Variants in TJP1 observed in about 807,000 individuals in gnomAD.
TJP1 encodes tight junction protein 1.
In TJP1, 43 loss-of-function variants were observed where a neutral mutation model predicts 194.2. The ratio of observed to expected loss-of-function variants is 0.22; its 90% CI spans 0.17 to 0.29. The LOEUF (loss-of-function observed/expected upper bound fraction) is 0.29, where lower values mean the gene tolerates loss of function less well. Ranked by LOEUF, TJP1 falls within the 10% of genes least tolerant of loss-of-function variation. The pLI is 1.00. For missense variants in TJP1, 1,971 were observed against 2,185.7 expected (o/e 0.90, Z 1.96); for synonymous variants, 801 against 779.0 (o/e 1.03, Z -0.47).
intron 11 of TJP1, among the ~76,000 whole-genome samples, chr15:29,735,252 G>A (rs1415971222): frequency 1.3e-5 from 2 of 150,568 alleles, no homozygotes; most frequent in East Asian, 3.9e-4. Context: ...AACCTGACAC[G>A]CACCACTTAC....
intron 2 of TJP1, among the ~76,000 whole-genome samples, chr15:29,788,926 C>T (rs999290840): frequency 1.3e-5 from 2 of 152,160 alleles, no homozygotes; most frequent in African/African-American, 4.8e-5. Context: ...TACACACCTA[C>T]ACTAATACGA....
intron 2 of TJP1, 36 bp downstream of exon 2, chr15:29,800,610 G>GTT: frequency 6.2e-7 from 1 of 1,608,966 alleles, no homozygotes; most frequent in Non-Finnish European, 8.5e-7. Flanking sequence ...AGTATCCTGA[G>GTT]TTATACACAG....
intron 2 of TJP1, among the ~76,000 whole-genome samples, chr15:29,884,348 C>T (rs1437738801): frequency 6.6e-6 from 1 of 152,174 alleles, no homozygotes; most frequent in South Asian, 2.1e-4. Flanking sequence ...GTCAGCCCCA[C>T]ACCAGGCCCA....
chr15:29,787,719 A>G (rs1159731905), intron 2 of TJP1, among the ~76,000 whole-genome samples: 5 of 152,204 alleles, frequency 3.3e-5, no homozygotes, highest in South Asian at 4.1e-4. Flanking sequence ...CATTCTATGT[A>G]TATATCATGT....
chr15:29,780,468 T>TACAGGTGAA (rs1449599780), intron 2 of TJP1, among the ~76,000 whole-genome samples: 31 of 152,224 alleles, frequency 2.0e-4, no homozygotes, highest in African/African-American at 7.0e-4. Flanking sequence ...GGGGGGTGGC[T>TACAGGTGAA]GCACATACAG....
chr15:29,825,289 C>G (rs886902678), upstream of TJP1, among the ~76,000 whole-genome samples: 1 of 152,140 alleles, frequency 6.6e-6, no homozygotes, highest in Admixed American at 6.5e-5. Flanking sequence ...CATCATAGCT[C>G]CTCTAGATCA....
intron 1 of TJP1, among the ~76,000 whole-genome samples, chr15:29,960,181 C>T (rs2056102583): frequency 6.6e-6 from 1 of 152,042 alleles, no homozygotes; most frequent in East Asian, 1.9e-4. Flanking sequence ...ATCTAGAAGC[C>T]TAAAAGAGCC....
chr15:29,745,896 T>C (rs147935675), intron 8 of TJP1, among the ~76,000 whole-genome samples: 1 of 152,324 alleles, frequency 6.6e-6, no homozygotes, highest in African/African-American at 2.4e-5. Context: ...AAACCCTATA[T>C]ATGATACCAA....
intron 2 of TJP1, among the ~76,000 whole-genome samples, chr15:29,920,459 A>AAAGCAAACT (rs1429532320): frequency 4.6e-5 from 7 of 152,208 alleles, no homozygotes; most frequent in Middle Eastern, 3.2e-3. Context: ...TGGGAAAAGA[A>AAAGCAAACT]AAGCAAACTG....
chr15:29,838,983 A>C (rs990291062), intron 2 of TJP1, among the ~76,000 whole-genome samples: 4 of 148,978 alleles, frequency 2.7e-5, no homozygotes, highest in Non-Finnish European at 5.9e-5. Flanking sequence ...ATCCACAGTA[A>C]AAATTCACCT....
rs1669584723 is a variant in TJP1, at chr15:29,700,736, A to AG, written c.*858dup. 4.1e-6 allele frequency: 1 copy of AG among 246,640 alleles called. No homozygotes were observed. Among genetic ancestry groups the AG allele is most frequent in the East Asian group, 7.2e-5 (1 of 13,926 alleles). The allele number at this position is 246,640 out of a possible 1,614,324, so 15.3% of individuals were successfully genotyped here. A position where few individuals can be genotyped will look rare whatever the true frequency, so the allele number is the denominator to read the frequency against. On this transcript the variant is annotated 3_prime_UTR_variant, in exon 28 of 28. Transcript: ENST00000614355. ...TGCCCCTTGTCAAAAAAAAAAAAAA[A>AG]GAAAAGAAAAGAAAAGAAAAAAATA...
chr15:29,702,881 TTTA>T (rs1271139618), intron 27 of TJP1, among the ~76,000 whole-genome samples: 2 of 152,148 alleles, frequency 1.3e-5, no homozygotes, highest in African/African-American at 4.8e-5. Flanking sequence ...GCTCATCTGA[TTTA>T]TCAAAGATTT....
chr15:29,800,598 C>A (rs759780369), intron 2 of TJP1, 48 bp downstream of exon 2: 12 of 1,583,412 alleles, frequency 7.6e-6, no homozygotes, highest in Non-Finnish European at 1.0e-5. Context: ...TTCAAAGCTG[C>A]CAGTATCCTG....
intron 2 of TJP1, among the ~76,000 whole-genome samples, chr15:29,839,100 G>A (rs377210696): frequency 1.4e-5 from 2 of 138,128 alleles, no homozygotes; most frequent in East Asian, 2.4e-4. Context: ...CCGGGTTCAC[G>A]CCATTCTCCT....
chr15:29,799,539 C>A (rs1273771313), intron 2 of TJP1, among the ~76,000 whole-genome samples: 1 of 151,802 alleles, frequency 6.6e-6, no homozygotes, highest in East Asian at 1.9e-4. Flanking sequence ...CTCAGCCTCC[C>A]GAGTAGCTGG....
exon 1 of TJP1, chr15:29,968,698 C>T: frequency 8.7e-7 from 1 of 1,155,422 alleles, no homozygotes; most frequent in Non-Finnish European, 1.1e-6. Context: ...AGGAGGCTGC[C>T]GCGGTTGGAG....
chr15:29,786,144 CAGAT>C (rs754100115), intron 2 of TJP1, among the ~76,000 whole-genome samples: 4 of 152,216 alleles, frequency 2.6e-5, no homozygotes, highest in Non-Finnish European at 5.9e-5. Context: ...CTATGACTGT[CAGAT>C]TGATTCGGTT....
At chr15:29,782,567 T>C (rs2047430853) in intron 2 of TJP1, among the ~76,000 whole-genome samples, 1 of 152,134 alleles carries the variant, frequency 6.6e-6, no homozygotes, top group Non-Finnish European at 1.5e-5. Context: ...AAGACATCAA[T>C]GTAAAACCCA....
At chr15:29,927,180 C>T (rs1033703811) in intron 2 of TJP1, among the ~76,000 whole-genome samples, 59 of 152,180 alleles carry the variant, frequency 3.9e-4, no homozygotes, top group African/African-American at 1.2e-3. Flanking sequence ...ATTAGCTAGG[C>T]GTGGTGGCGC....
Sources: gnomAD v4.1 joint callset for allele counts (sites outside exome capture counted in the v4.1 genomes callset) on GRCh38, gnomAD v4.1.1 for gene constraint, MANE v1.5 for transcripts, NCBI Gene and HGNC (gene_info 2026-07-23, HGNC 2026-07-21) for gene names.